LYN: variants seen among roughly 807,000 people sequenced by gnomAD.
LYN encodes LYN proto-oncogene, Src family tyrosine kinase.
In LYN, 12 loss-of-function variants were observed where a neutral mutation model predicts 65.0. The ratio of observed to expected loss-of-function variants is 0.18; its 90% CI spans 0.12 to 0.30. The LOEUF (loss-of-function observed/expected upper bound fraction) is 0.30, where lower values mean the gene tolerates loss of function less well. Ranked by LOEUF, LYN falls within the 10% of genes least tolerant of loss-of-function variation. The pLI is 1.00. For missense variants in LYN, 380 were observed against 623.2 expected (o/e 0.61, Z 4.16); for synonymous variants, 222 against 221.2 (o/e 1.00, Z -0.03).
chr8:55,987,766 G>T (rs1338767118), intron 10 of LYN, among the ~76,000 whole-genome samples: 1 of 152,148 alleles, frequency 6.6e-6, no homozygotes, highest in Non-Finnish European at 1.5e-5. Context: ...ATGCTTAAGA[G>T]CACAGACTCT....
intron 2 of LYN, 119 bp from the exon 3 acceptor site, chr8:55,946,329 G>A (rs57006402): frequency 0.21 from 156,487 of 734,988 alleles, 21,595 homozygotes; most frequent in African/African-American, 0.55. Context: ...TGTTCTTTCT[G>A]ACTTAATAAA....
At chr8:55,912,475 C>T (rs191626844) in intron 1 of LYN, among the ~76,000 whole-genome samples, 121 of 152,174 alleles carry the variant, frequency 8.0e-4, no homozygotes, top group African/African-American at 2.8e-3. Flanking sequence ...CCTGTAATCC[C>T]GCACTTTGGG....
intron 1 of LYN, among the ~76,000 whole-genome samples, chr8:55,887,575 T>TATATACACAC (rs1554573193): frequency 2.1e-5 from 2 of 93,436 alleles, no homozygotes; most frequent in Admixed American, 1.3e-4. Context: ...TATATATATA[T>TATATACACAC]ACACACACAC....
chr8:55,971,079 C>T (rs1403885264), intron 10 of LYN, among the ~76,000 whole-genome samples: 4 of 152,220 alleles, frequency 2.6e-5, no homozygotes, highest in African/African-American at 9.7e-5. Context: ...ATCCTCTCCA[C>T]CTCCGGGACT....
chr8:55,994,717 T>C (rs1808329958), intron 10 of LYN, among the ~76,000 whole-genome samples: 1 of 152,214 alleles, frequency 6.6e-6, no homozygotes, highest in Non-Finnish European at 1.5e-5. Context: ...TTGGCTTCTT[T>C]GGGTTCTTGG....
At chr8:55,937,892 T>A (rs1046130537) in intron 1 of LYN, among the ~76,000 whole-genome samples, 3 of 152,108 alleles carry the variant, frequency 2.0e-5, no homozygotes, top group Admixed American at 6.6e-5. Flanking sequence ...AGACAGAGTT[T>A]CATCATGTTG....
intron 1 of LYN, among the ~76,000 whole-genome samples, chr8:55,941,210 G>A (rs765659812): frequency 6.6e-6 from 1 of 152,100 alleles, no homozygotes; most frequent in Non-Finnish European, 1.5e-5. Context: ...CAGATTGGAT[G>A]TGTCATTTGT....
At chr8:55,931,604 T>TC (rs1352883797) in intron 1 of LYN, among the ~76,000 whole-genome samples, 1 of 152,068 alleles carries the variant, frequency 6.6e-6, no homozygotes, top group Non-Finnish European at 1.5e-5. Context: ...TTGTACCTTT[T>TC]CCCTCACAAA....
intron 1 of LYN, among the ~76,000 whole-genome samples, chr8:55,916,459 C>G (rs1376291086): frequency 6.6e-6 from 1 of 152,210 alleles, no homozygotes; most frequent in African/African-American, 2.4e-5. Flanking sequence ...ATACATAATA[C>G]TGCTCTGGAA....
intron 8 of LYN, among the ~76,000 whole-genome samples, chr8:55,960,249 C>A (rs1007936996): frequency 6.6e-6 from 1 of 152,176 alleles, no homozygotes; most frequent in South Asian, 2.1e-4. Flanking sequence ...CCAGTTTCCT[C>A]CAGTGGTAAC....
chr8:55,896,829 T>C (rs1210609633), intron 1 of LYN, among the ~76,000 whole-genome samples: 1 of 152,034 alleles, frequency 6.6e-6, no homozygotes, highest in Non-Finnish European at 1.5e-5. Context: ...ACCTCTGCCT[T>C]CCGGGTTCAA....
At chr8:56,008,944 A>G (rs1352381215) in intron 12 of LYN, among the ~76,000 whole-genome samples, 3 of 152,242 alleles carry the variant, frequency 2.0e-5, no homozygotes, top group Non-Finnish European at 4.4e-5. Context: ...CAAACTACAG[A>G]CAAGTGTCCT....
At chr8:55,994,883 C>G (rs1249273508) in intron 10 of LYN, among the ~76,000 whole-genome samples, 2 of 152,170 alleles carry the variant, frequency 1.3e-5, no homozygotes, top group Non-Finnish European at 2.9e-5. Flanking sequence ...CTCCTGTAAC[C>G]AACTCTGGTC....
At chr8:55,942,579 G>C (rs962040891) in intron 2 of LYN, among the ~76,000 whole-genome samples, 10 of 151,308 alleles carry the variant, frequency 6.6e-5, no homozygotes, top group Non-Finnish European at 1.5e-5. Context: ...TAGGTCAGGA[G>C]CTCGAGACCA....
intron 10 of LYN, among the ~76,000 whole-genome samples, chr8:55,982,370 A>G (rs1380054944): frequency 1.3e-5 from 2 of 152,112 alleles, no homozygotes; most frequent in East Asian, 1.9e-4. Flanking sequence ...ACCATTTCAA[A>G]AAGTTTTGAA....
At chr8:55,940,530 C>T (rs1806580298) in intron 1 of LYN, among the ~76,000 whole-genome samples, 1 of 152,136 alleles carries the variant, frequency 6.6e-6, no homozygotes, top group African/African-American at 2.4e-5. Flanking sequence ...CGTGTGCCAC[C>T]ACGCCCAGCT....
intron 9 of LYN, among the ~76,000 whole-genome samples, chr8:55,967,961 A>G (rs1402859289): frequency 1.3e-5 from 2 of 152,256 alleles, no homozygotes; most frequent in East Asian, 1.9e-4. Context: ...AGATGATAGT[A>G]TGATGTCATA....
At chr8:56,009,765 T>C (rs1049789678) in intron 12 of LYN, 143 bp from the exon 13 acceptor site, 1 of 668,884 alleles carries the variant, frequency 1.5e-6, no homozygotes, top group Non-Finnish European at 2.5e-6. Context: ...GAGGATGCTG[T>C]TCAACCCCTA....
At chr8:55,986,847 T>G (rs972305572) in intron 10 of LYN, among the ~76,000 whole-genome samples, 1 of 152,200 alleles carries the variant, frequency 6.6e-6, no homozygotes, top group Non-Finnish European at 1.5e-5. Flanking sequence ...TGCTTCAGCT[T>G]CCCAGGTAGC....
Sources: gnomAD v4.1 joint callset for allele counts (sites outside exome capture counted in the v4.1 genomes callset) on GRCh38, gnomAD v4.1.1 for gene constraint, MANE v1.5 for transcripts, NCBI Gene and HGNC (gene_info 2026-07-23, HGNC 2026-07-21) for gene names.